Variants in ZFPM2 observed in about 807,000 individuals in gnomAD.
ZFPM2 encodes zinc finger protein, FOG family member 2.
In ZFPM2, 20 loss-of-function variants were observed where a neutral mutation model predicts 98.6. That is an observed-to-expected ratio of 0.20 (90% CI 0.14 to 0.29). The LOEUF (loss-of-function observed/expected upper bound fraction) is 0.29. ZFPM2 is among the 10% of genes least tolerant of loss of function. The pLI is 1.00. For synonymous variants in ZFPM2, 518 were observed against 502.7 expected (o/e 1.03, Z -0.41); for missense variants, 1,310 against 1,388.6 (o/e 0.94, Z 0.90).
intron 4 of ZFPM2, among the ~76,000 whole-genome samples, chr8:105,623,551 CT>C (rs1816596705): frequency 6.6e-6 from 1 of 152,082 alleles, no homozygotes; most frequent in Non-Finnish European, 1.5e-5. Context: ...AGAGGATTGG[CT>C]GAAACAGTAA....
chr8:105,334,445 TTTTAC>T (rs1261568804), intron 1 of ZFPM2, among the ~76,000 whole-genome samples: 1 of 151,696 alleles, frequency 6.6e-6, no homozygotes, highest in Admixed American at 6.6e-5. Context: ...TTATGCTCAC[TTTTAC>T]TTTAGAGAAA....
At chr8:105,675,050 G>C (rs1453070908) in intron 5 of ZFPM2, among the ~76,000 whole-genome samples, 1 of 152,174 alleles carries the variant, frequency 6.6e-6, no homozygotes, top group Non-Finnish European at 1.5e-5. Context: ...ATGAACTCAA[G>C]TGAGGTCAGG....
intron 5 of ZFPM2, among the ~76,000 whole-genome samples, chr8:105,738,025 T>C (rs1337004340): frequency 1.3e-5 from 2 of 152,030 alleles, no homozygotes; most frequent in Non-Finnish European, 2.9e-5. Context: ...TTTTTTTTGT[T>C]ACTTTTATTT....
At chr8:105,624,135 C>G (rs1335270615) in intron 4 of ZFPM2, among the ~76,000 whole-genome samples, 1 of 152,166 alleles carries the variant, frequency 6.6e-6, no homozygotes, top group Non-Finnish European at 1.5e-5. Flanking sequence ...TGACTGGCCT[C>G]AGGTCACACA....
chr8:105,529,579 A>ATTT (rs35183035), intron 3 of ZFPM2, among the ~76,000 whole-genome samples: 2 of 136,676 alleles, frequency 1.5e-5, no homozygotes, highest in African/African-American at 2.7e-5. Flanking sequence ...AACTCTCAGC[A>ATTT]TTTTTTTTTT....
At chr8:105,696,825 G>GT (rs1447943727) in intron 5 of ZFPM2, among the ~76,000 whole-genome samples, 2 of 152,016 alleles carry the variant, frequency 1.3e-5, no homozygotes, top group Non-Finnish European at 2.9e-5. Context: ...CATACTGTTA[G>GT]TTTTTTTACA....
chr8:105,601,615 T>A (rs1334720369), intron 4 of ZFPM2, among the ~76,000 whole-genome samples: 1 of 152,100 alleles, frequency 6.6e-6, no homozygotes, highest in Admixed American at 6.6e-5. Context: ...CTTATACCCC[T>A]CTCTGTCTTT....
chr8:105,547,986 G>GTTT (rs139498098), intron 3 of ZFPM2, among the ~76,000 whole-genome samples: 2 of 148,556 alleles, frequency 1.3e-5, no homozygotes, highest in African/African-American at 4.9e-5. Flanking sequence ...TGAAGTTTTG[G>GTTT]TTTTTTTTTT....
chr8:105,329,155 G>A (rs988664262), intron 1 of ZFPM2, among the ~76,000 whole-genome samples: 1 of 151,858 alleles, frequency 6.6e-6, no homozygotes, highest in Non-Finnish European at 1.5e-5. Flanking sequence ...ATTGATTGAT[G>A]TCTGGCTTCC....
intron 1 of ZFPM2, among the ~76,000 whole-genome samples, chr8:105,337,938 T>G (rs1812358885): frequency 6.6e-6 from 1 of 151,724 alleles, no homozygotes; most frequent in Non-Finnish European, 1.5e-5. Flanking sequence ...TATATGTAAT[T>G]TTGTGTGCTA....
chr8:105,620,164 C>T (rs1816506072), intron 4 of ZFPM2, among the ~76,000 whole-genome samples: 1 of 152,258 alleles, frequency 6.6e-6, no homozygotes, highest in Middle Eastern at 3.4e-3. Context: ...TAAAAGTGTT[C>T]CTATTTCTCC....
At chr8:105,339,625 G>A (rs899338590) in intron 1 of ZFPM2, among the ~76,000 whole-genome samples, 1 of 151,780 alleles carries the variant, frequency 6.6e-6, no homozygotes, top group Admixed American at 6.6e-5. Flanking sequence ...TTGATAATTC[G>A]ACTGCATCTG....
intron 1 of ZFPM2, among the ~76,000 whole-genome samples, chr8:105,410,712 A>C (rs983535978): frequency 1.3e-5 from 2 of 151,954 alleles, no homozygotes; most frequent in Non-Finnish European, 2.9e-5. Flanking sequence ...TGAAATTTCT[A>C]AAGAAAAGTG....
intron 5 of ZFPM2, among the ~76,000 whole-genome samples, chr8:105,659,433 G>A (rs1248345309): frequency 6.6e-6 from 1 of 152,190 alleles, no homozygotes; most frequent in Non-Finnish European, 1.5e-5. Flanking sequence ...ACATGAGGGA[G>A]TGTGCTGGTT....
At chr8:105,346,121 C>A (rs1812521494) in intron 1 of ZFPM2, among the ~76,000 whole-genome samples, 1 of 152,112 alleles carries the variant, frequency 6.6e-6, no homozygotes, top group Non-Finnish European at 1.5e-5. Flanking sequence ...CACAGTTGCT[C>A]ACACCTGTAA....
chr8:105,325,246 G>T (rs181056740), intron 1 of ZFPM2, among the ~76,000 whole-genome samples: 2 of 151,934 alleles, frequency 1.3e-5, no homozygotes, highest in East Asian at 1.9e-4. Flanking sequence ...GTTTAATAAG[G>T]TTACATTTTT....
chr8:105,495,276 G>A (rs576060338), intron 3 of ZFPM2, among the ~76,000 whole-genome samples: 1 of 152,282 alleles, frequency 6.6e-6, no homozygotes, highest in South Asian at 2.1e-4. Flanking sequence ...TCGACAAAAT[G>A]TATAGTCCTT....
At chr8:105,653,920 TAGAAAAGAAA>T (rs1002740140) in intron 5 of ZFPM2, among the ~76,000 whole-genome samples, 2 of 109,258 alleles carry the variant, frequency 1.8e-5, no homozygotes, top group African/African-American at 3.7e-5. Flanking sequence ...AATGGGATTA[TAGAAAAGAAA>T]AGAAAAGAAA....
intron 1 of ZFPM2, among the ~76,000 whole-genome samples, chr8:105,333,935 A>G (rs1344431573): frequency 2.0e-5 from 3 of 151,734 alleles, no homozygotes; most frequent in Admixed American, 1.3e-4. Context: ...GAGGTCTGAG[A>G]GTTTATGGTA....
Sources: gnomAD v4.1 joint callset for allele counts (sites outside exome capture counted in the v4.1 genomes callset) on GRCh38, gnomAD v4.1.1 for gene constraint, MANE v1.5 for transcripts, NCBI Gene and HGNC (gene_info 2026-07-23, HGNC 2026-07-21) for gene names.